The following TRPV3 variants were observed in gnomAD, a reference collection of about 807,000 sequenced individuals.
TRPV3 encodes the protein VRL-3.
In TRPV3, 88 loss-of-function variants were observed where a neutral mutation model predicts 87.1. The ratio of observed to expected loss-of-function variants is 1.01; its 90% CI spans 0.85 to 1.21. The LOEUF (loss-of-function observed/expected upper bound fraction) is 1.21. TRPV3 is among the 50% of genes most tolerant of loss of function. TRPV3 has a pLI of 0.00. For missense variants in TRPV3, 1,054 were observed against 1,030.1 expected (o/e 1.02, Z -0.32); for synonymous variants, 438 against 423.3 (o/e 1.03, Z -0.43).
At position 3,532,727 on chromosome 17, in the gene TRPV3, T is replaced by A. The variant is rs1240153865; in HGVS notation, c.995A>T (p.Glu332Val). 1 of 1,614,270 alleles carries A rather than the reference T, an allele frequency of 6.2e-7. No individual in the cohort carries two copies. Among genetic ancestry groups the A allele is most frequent in the Admixed American group, 1.7e-5 (1 of 60,032 alleles). The change falls in exon 8 of 18, where the codon GAG (glutamate) becomes GTG (valine). Residue 332 changes from glutamate (E) to valine (V), a missense_variant. Transcript: ENST00000576742. Reference protein sequence around the residue: ...DMILLRSGNWELETTRNNDGL... With the variant: ...DMILLRSGNWVLETTRNNDGL... Reference sequence around the variant, plus strand: ...ATCGTTGTTGCGAGTGGTCTCCAGCTCCCAGTTGCCACTCCGCAGTAGGAT... The same window carrying A: ...ATCGTTGTTGCGAGTGGTCTCCAGCACCCAGTTGCCACTCCGCAGTAGGAT...
At chr17:3,543,425 C>T in intron 5 of TRPV3, 49 bp downstream of exon 5, 3 of 1,598,288 alleles carry the variant, frequency 1.9e-6, no homozygotes, top group Non-Finnish European at 1.7e-6. Context: ...GCACCAGAAG[C>T]CAAGCAGGGC....
At chr17:3,546,611 C>A (rs1357394435) in intron 2 of TRPV3, 2 of 455,680 alleles carry the variant, frequency 4.4e-6, no homozygotes, top group Non-Finnish European at 8.8e-6. Context: ...CCCTTGGAGA[C>A]ATGTGGCTTC....
intron 7 of TRPV3, 62 bp from the exon 8 acceptor site, chr17:3,532,999 C>T: frequency 1.9e-6 from 3 of 1,584,932 alleles, no homozygotes; most frequent in Non-Finnish European, 2.6e-6. Flanking sequence ...TCCCCCAAGC[C>T]CCAGGACTGG....
chr17:3,556,077 T>C lies in TRPV3; in HGVS notation c.-2-1225A>G, dbSNP rs1425655390. ...CTGTAGTCCCAGCTAGTCGGGAGGC[T>C]GAGGCAGGAGAATCACTTGAATCCA... On this transcript the variant is annotated intron_variant, in intron 1 of 17. Transcript: ENST00000576742. This position sits in a 1 kb window ranked among gnomAD's most constrained non-coding sequence, Gnocchi z 4.2. 1.3e-5 allele frequency among the ~76,000 whole-genome samples: 2 copies of C among 151,210 alleles called. No individual in the cohort carries two copies. The highest frequency in any genetic ancestry group is 3.9e-4 in the East Asian group (2 of 5,142).
chr17:3,544,023 A>T (rs4491568), intron 4 of TRPV3, among the ~76,000 whole-genome samples: 54,513 of 150,602 alleles, frequency 0.36, 10,661 homozygotes, highest in Middle Eastern at 0.46. Flanking sequence ...TCTTTTTTTT[A>T]TTTGAGACAG....
At chr17:3,553,459 G>C (rs915961157) in intron 2 of TRPV3, 1 of 152,640 alleles carries the variant, frequency 6.6e-6, no homozygotes, top group African/African-American at 2.4e-5. Flanking sequence ...AGTGGGACTC[G>C]CCTCCCCAAA....
intron 2 of TRPV3, among the ~76,000 whole-genome samples, chr17:3,549,210 G>A (rs535430963): frequency 2.0e-5 from 3 of 152,038 alleles, no homozygotes; most frequent in African/African-American, 7.2e-5. Flanking sequence ...TCCCCATCCC[G>A]CCCTACCTGT....
At chr17:3,554,693 A>G in intron 2 of TRPV3, 39 bp downstream of exon 2, 2 of 1,438,992 alleles carry the variant, frequency 1.4e-6, no homozygotes, top group Non-Finnish European at 1.9e-6. Context: ...CGTGCCCCTC[A>G]CAGTGCCGCA....
chr17:3,519,436 G>GGATGGATGGATGGATGGATA, intron 14 of TRPV3, among the ~76,000 whole-genome samples: 1 of 103,724 alleles, frequency 9.6e-6, no homozygotes, highest in African/African-American at 4.1e-5. Context: ...ATGGATGGAT[G>GGATGGATGGATGGATGGATA]GATGGATGGA....
At chr17:3,514,091 T>C (rs1001959963) in intron 17 of TRPV3, 80 bp from the exon 18 acceptor site, 18 of 1,294,530 alleles carry the variant, frequency 1.4e-5, no homozygotes, top group Non-Finnish European at 1.8e-5. Context: ...TTTTTTTTCT[T>C]TTTTGAGATG....
rs759277636 is a variant in TRPV3, at chr17:3,543,472, A to T, written c.466+2T>A. The T allele has an allele frequency of 6.2e-7, 1 of 1,612,758 alleles. No homozygotes were observed. Among genetic ancestry groups the T allele is most frequent in the Non-Finnish European group, 8.5e-7 (1 of 1,179,954 alleles). On this transcript the variant is annotated splice_donor_variant, in intron 5 of 17. Transcript: ENST00000576742. LOFTEE classifies it high-confidence loss of function. ...CACCCTCTGCCAGGCTCAGACACTC[A>T]CCAGGCACATCCTCATCATGGCGCC... is the stretch of plus-strand genomic sequence containing the variant.
rs1174831644 is a variant in TRPV3, at chr17:3,554,794, G to A, written c.57C>T (p.Pro19=). Residue 19 remains proline, a synonymous_variant, in exon 2 of 18, where the codon CCC becomes CCT. Transcript: ENST00000576742. The stretch of plus-strand genomic sequence containing the variant: ...CTGGCAGGATGGCAGGGTTCCCACT[G>A]GGGGCAGCAACTCTCTTGCCCATGA... ...VPLMGKRVAA[P]SGNPAILPEK... is the part of the protein sequence containing the mutation. 8 of 1,611,862 alleles carry A rather than the reference G, an allele frequency of 5.0e-6. No homozygotes were observed. In the East Asian group the frequency reaches 1.1e-4, roughly 22 times the overall value.
At position 3,514,661 on chromosome 17, in the gene TRPV3, A is replaced by C. The variant is rs2074158759; in HGVS notation, c.2210T>G (p.Val737Gly). Residue 737 changes from valine (V) to glycine (G), a missense_variant, in exon 17 of 18, where the codon GTG (valine) becomes GGG (glycine). Physicochemically the swap from Val to Gly is moderately radical, Grantham distance 109. Coordinates refer to ENST00000576742, the MANE Select transcript of TRPV3 (RefSeq NM_145068.4). Reference sequence around the variant, plus strand: ...GTGCGTCTTCCATTCAGTCCACTTCACCTCATTGATCCTGCAAATGTGATA... The same window carrying C: ...GTGCGTCTTCCATTCAGTCCACTTCCCCTCATTGATCCTGCAAATGTGATA... ...DFRLCLRINE[V>G]KWTEWKTHVS... is the part of the protein sequence containing the mutation. The C allele has an allele frequency of 6.2e-7, 1 of 1,613,344 alleles. No individual in the cohort carries two copies. The highest frequency in any genetic ancestry group is 1.7e-5 in the Admixed American group (1 of 59,984).
At chr17:3,524,158 T>C in intron 13 of TRPV3, 40 bp downstream of exon 13, 1 of 1,602,710 alleles carries the variant, frequency 6.2e-7, no homozygotes, top group Non-Finnish European at 8.5e-7. Flanking sequence ...AAAATGGCCA[T>C]CCTCCGAGGG....
At position 3,557,733 on chromosome 17, in the gene TRPV3, G is replaced by A. The variant is rs149881932; in HGVS notation, c.-60C>T. The stretch of plus-strand genomic sequence containing the variant: ...TGCCCTGAGATCACCGCATGTCTGG[G>A]GCCCAAGGCCCCCGGGTGGGACTGT... On this transcript the variant is annotated 5_prime_UTR_variant, in exon 1 of 18. Coordinates refer to ENST00000576742, the MANE Select transcript of TRPV3 (RefSeq NM_145068.4). This position sits in a 1 kb window ranked among gnomAD's most constrained non-coding sequence, Gnocchi z 4.5. 2.6e-5 allele frequency: 4 copies of A among 152,438 alleles called. No homozygotes were observed. The East Asian group carries it at 5.8e-4, about 22-fold the overall frequency. 9.4% of individuals were successfully genotyped at this position (152,438 alleles called of 1,614,324 possible).
At chr17:3,537,780 CCTGTAGTCCCAGCTACT>C (rs1447354896) in intron 6 of TRPV3, among the ~76,000 whole-genome samples, 1 of 151,098 alleles carries the variant, frequency 6.6e-6, no homozygotes, top group African/African-American at 2.4e-5. Flanking sequence ...GTGGCGGGCA[CCTGTAGTCCCAGCTACT>C]CAGGAGGTTG....
Position 3,528,834 on chromosome 17 carries a change from T to C in TRPV3, c.1401+3A>G. ...ATTTTCCCCCTCCAAGGGGCCCACG[T>C]ACCTCCTCCTCCCGGGGGCGGTAGT... On this transcript the variant is annotated splice_donor_region_variant and intron_variant, in intron 10 of 17. Transcript: ENST00000576742. The surrounding 1 kb of genome is among the most constrained non-coding windows in gnomAD (Gnocchi z 4.2). The C allele has an allele frequency of 6.2e-7, 1 of 1,614,052 alleles. No homozygotes were observed. The highest frequency in any genetic ancestry group is 1.1e-5 in the South Asian group (1 of 91,078).
rs773793461 is a variant in TRPV3 at position 3,518,839 on chromosome 17, G to A, written c.1822C>T (p.Leu608=). ...LLGFGVALAS[L]IEKCPKDNKD... ...TTGTCTTTGGGACACTTCTCGATCAGCGAGGCCAAGGCTAAGGGAACATAA... is the reference window on the plus strand; with the variant it reads ...TTGTCTTTGGGACACTTCTCGATCAACGAGGCCAAGGCTAAGGGAACATAA... The change falls in exon 15 of 18, where the codon CTG becomes TTG. Residue 608 remains leucine, a synonymous_variant. Transcript: ENST00000576742. The surrounding 1 kb of genome is among the most constrained non-coding windows in gnomAD (Gnocchi z 4.3). The A allele has an allele frequency of 4.3e-6, 7 of 1,613,678 alleles. No homozygotes were observed. The South Asian group carries it at 7.7e-5, about 18-fold the overall frequency.
chr17:3,523,983 C>T (rs1006272787), intron 13 of TRPV3, among the ~76,000 whole-genome samples: 1 of 152,124 alleles, frequency 6.6e-6, no homozygotes, highest in African/African-American at 2.4e-5. Flanking sequence ...CATTCCTCCA[C>T]AAACTGTACC....
Sources: allele counts gnomAD v4.1 joint callset (sites outside exome capture counted in the v4.1 genomes callset), GRCh38; gene constraint gnomAD v4.1.1; non-coding constraint Gnocchi (gnomAD v3.1); transcripts MANE v1.5; gene names NCBI Gene and HGNC (gene_info 2026-07-23, HGNC 2026-07-21).